The following MED12L variants were observed in gnomAD, a reference collection of about 807,000 sequenced individuals.
The protein encoded by MED12L is mediator of RNA polymerase II transcription subunit 12-like protein.
In MED12L, 60 loss-of-function variants were observed where a neutral mutation model predicts 281.3. That is an observed-to-expected ratio of 0.21 (90% CI 0.17 to 0.26). The LOEUF is 0.26. MED12L is among the 10% of genes least tolerant of loss of function. The pLI is 1.00. For missense variants in MED12L, 2,146 were observed against 2,680.9 expected (o/e 0.80, Z 4.41); for synonymous variants, 974 against 987.2 (o/e 0.99, Z 0.25).
chr3:151,377,880 A>G (rs1425005869), intron 30 of MED12L, 132 bp from the exon 31 acceptor site: 1 of 848,152 alleles, frequency 1.2e-6, no homozygotes, highest in African/African-American at 1.7e-5. Context: ...AAGATAATAC[A>G]GAAATAAAAG....
intron 39 of MED12L, among the ~76,000 whole-genome samples, chr3:151,403,244 A>G (rs546234596): frequency 1.7e-4 from 26 of 152,246 alleles, no homozygotes; most frequent in Admixed American, 1.3e-3. Context: ...GATTTCCATC[A>G]TATACATCTA....
intron 16 of MED12L, chr3:151,338,367 A>G: frequency 6.2e-7 from 1 of 1,614,144 alleles, no homozygotes; most frequent in East Asian, 2.2e-5. Flanking sequence ...GGTCAGAATC[A>G]TGTTAGGCAA....
chr3:151,251,036 G>C (rs1736751297), intron 16 of MED12L, among the ~76,000 whole-genome samples: 1 of 152,146 alleles, frequency 6.6e-6, no homozygotes, highest in Non-Finnish European at 1.5e-5. Context: ...GTGGTACTTT[G>C]GCATACTGCC....
chr3:151,379,277 T>C (rs371890891), intron 31 of MED12L, among the ~76,000 whole-genome samples: 14 of 152,200 alleles, frequency 9.2e-5, no homozygotes, highest in African/African-American at 3.4e-4. Flanking sequence ...TGAAGAGACT[T>C]GAAAGATCGC....
At chr3:151,100,382 A>T (rs1721248527) in intron 2 of MED12L, among the ~76,000 whole-genome samples, 1 of 152,236 alleles carries the variant, frequency 6.6e-6, no homozygotes, top group Admixed American at 6.5e-5. Context: ...TCATTCATGG[A>T]TAATCTAATG....
intron 16 of MED12L, among the ~76,000 whole-genome samples, chr3:151,202,911 G>C (rs1024457931): frequency 1.3e-5 from 2 of 152,186 alleles, no homozygotes; most frequent in African/African-American, 4.8e-5. Context: ...TTTGGAGACA[G>C]ATGAATGGGT....
Position 151,338,761 on chromosome 3 carries a change from G to C in MED12L, c.2251-11298G>C. On this transcript the variant is annotated intron_variant, in intron 16 of 44. Transcript: ENST00000687756. ...AAAAACAGGACAGTGTAGAGCAGTGGGAAGAGGACCTGGGTGATTTTGTAG... is the reference window on the plus strand; with the variant it reads ...AAAAACAGGACAGTGTAGAGCAGTGCGAAGAGGACCTGGGTGATTTTGTAG... 6.2e-7 allele frequency: 1 copy of C among 1,613,464 alleles called. No homozygotes were observed. The highest frequency in any genetic ancestry group is 8.5e-7 in the Non-Finnish European group (1 of 1,179,788).
Position 151,360,455 on chromosome 3 carries a change from C to G in MED12L, c.2826-19C>G, listed in dbSNP as rs761691241. ...AGTACAAATCTATGTCTTATTTCTTCGTATATTTTTCTCCTCAGGTTGTGT... is the reference window on the plus strand; with the variant it reads ...AGTACAAATCTATGTCTTATTTCTTGGTATATTTTTCTCCTCAGGTTGTGT... On this transcript the variant is annotated intron_variant, in intron 20 of 44. Coordinates refer to ENST00000687756, the MANE Select transcript of MED12L (RefSeq NM_001393769.1). 1 of 1,606,732 alleles carries G rather than the reference C, an allele frequency of 6.2e-7. No individual in the cohort carries two copies. Among genetic ancestry groups the G allele is most frequent in the East Asian group, 2.2e-5 (1 of 44,778 alleles).
Position 151,413,192 on chromosome 3 carries a change from C to T in MED12L, c.6194C>T (p.Ala2065Val). Reference protein sequence around the residue: ...QSPLVGGGIDAVLTSAHPNLP... With the variant: ...QSPLVGGGIDVVLTSAHPNLP... ...CCTCTGGTGGGCGGGGGAATTGATG[C>T]TGTGCTGACTTCTGCACATCCAAAC... Residue 2065 changes from alanine (A) to valine (V), a missense_variant, in exon 42 of 45, where the codon GCT (alanine) becomes GTT (valine). Ala to Val is a moderately conservative substitution (Grantham distance 64). Around this residue, in one of 9 missense-constraint regions of MED12L, gnomAD observed 496 missense variants for 512.0 expected, o/e 0.97. Coordinates refer to ENST00000687756, the MANE Select transcript of MED12L (RefSeq NM_001393769.1). The T allele has an allele frequency of 1.2e-6, 2 of 1,614,154 alleles. No homozygotes were observed.
At chr3:151,369,387 C>CA (rs762487178) in intron 25 of MED12L, 49 bp from the exon 26 acceptor site, 8 of 1,292,774 alleles carry the variant, frequency 6.2e-6, no homozygotes, top group Non-Finnish European at 8.7e-6. Context: ...AATTACAAAA[C>CA]ATTACTAATG....
At chr3:151,275,199 G>C (rs950658062) in intron 16 of MED12L, among the ~76,000 whole-genome samples, 1 of 152,084 alleles carries the variant, frequency 6.6e-6, no homozygotes, top group Non-Finnish European at 1.5e-5. Flanking sequence ...GGAGAGTATC[G>C]AGGATCAGAT....
chr3:151,391,674 A>G (rs542433844), intron 38 of MED12L, among the ~76,000 whole-genome samples: 4 of 152,358 alleles, frequency 2.6e-5, no homozygotes, highest in South Asian at 4.1e-4. Flanking sequence ...CTTGGGCCGC[A>G]TGCAGCACAC....
intron 16 of MED12L, chr3:151,197,772 G>A (rs535333963): frequency 6.5e-6 from 1 of 152,688 alleles, no homozygotes; most frequent in Admixed American, 6.5e-5. Flanking sequence ...CTAACATCAG[G>A]AAGCCTTTAT....
In MED12L at chr3:151,433,029, T is replaced by C. The variant is rs1719706411; in HGVS notation, c.*225T>C. The C allele has an allele frequency of 6.1e-6, 3 of 491,118 alleles. No homozygotes were observed. 30.4% of individuals were successfully genotyped at this position (491,118 alleles called of 1,614,324 possible). A position where few individuals can be genotyped will look rare whatever the true frequency, so the allele number is the denominator to read the frequency against. The stretch of plus-strand genomic sequence containing the variant: ...TTCACCTTTAAAGTAGGTTTACAAA[T>C]GTGAATCATGCAGGCAGGCCTACTC... On this transcript the variant is annotated 3_prime_UTR_variant, in exon 45 of 45. Coordinates refer to ENST00000687756, the MANE Select transcript of MED12L (RefSeq NM_001393769.1).
chr3:151,400,964 C>T (rs1440946712), intron 39 of MED12L, among the ~76,000 whole-genome samples: 1 of 152,120 alleles, frequency 6.6e-6, no homozygotes, highest in Non-Finnish European at 1.5e-5. Flanking sequence ...TCATTTCCCT[C>T]CCTTCTTCTA....
intron 16 of MED12L, among the ~76,000 whole-genome samples, chr3:151,284,278 TTTTG>T (rs1559981098): frequency 6.6e-6 from 1 of 151,706 alleles, no homozygotes. Context: ...ACATGTAGAG[TTTTG>T]TTTGTTTTTT....
rs557315475 is a variant in MED12L, at chr3:151,244,837, T to C, written c.2250+51171T>C. 1.1e-3 allele frequency among the ~76,000 whole-genome samples: 174 copies of C among 152,248 alleles called. 2 individuals carry two copies. The highest frequency in any genetic ancestry group is 3.7e-3 in the African/African-American group (155 of 41,548). On this transcript the variant is annotated intron_variant, in intron 16 of 44. Coordinates refer to ENST00000687756, the MANE Select transcript of MED12L (RefSeq NM_001393769.1). ...AATTAATGAATCCAGGAGCTGGTTT[T>C]TTTGAAAGGATCAACAAAATTGATA...
chr3:151,237,388 C>T (rs528427629), intron 16 of MED12L, among the ~76,000 whole-genome samples: 5 of 104,606 alleles, frequency 4.8e-5, no homozygotes, highest in South Asian at 3.5e-4. Flanking sequence ...TTACTCTTGT[C>T]GCCCAAGCTG....
chr3:151,203,411 C>CT (rs35357625), intron 16 of MED12L, among the ~76,000 whole-genome samples: 4,271 of 139,284 alleles, frequency 0.031, 147 homozygotes, highest in East Asian at 0.19. Context: ...AGTACCTAGC[C>CT]TTTTTTTTTT....
Sources: allele counts gnomAD v4.1 joint callset (sites outside exome capture counted in the v4.1 genomes callset), GRCh38; gene constraint gnomAD v4.1.1; regional missense constraint gnomAD v4.1.1; transcripts MANE v1.5; gene names NCBI Gene and HGNC (gene_info 2026-07-23, HGNC 2026-07-21).